DRC1: variants seen among roughly 807,000 people sequenced by gnomAD.
DRC1 encodes the protein dynein regulatory complex subunit 1.
In DRC1, 74 loss-of-function variants were observed where a neutral mutation model predicts 98.7. That is an observed-to-expected ratio of 0.75 (90% CI 0.62 to 0.91). The LOEUF (loss-of-function observed/expected upper bound fraction) is 0.91. DRC1 is among the 40% of genes least tolerant of loss of function. The pLI is 0.00. For synonymous variants in DRC1, 336 were observed against 334.1 expected, an observed-to-expected ratio of 1.01 and a Z score of -0.06; for missense variants, 875 against 886.0, an observed-to-expected ratio of 0.99 and a Z score of 0.16.
intron 1 of DRC1, among the ~76,000 whole-genome samples, chr2:26,403,319 G>A (rs973194693): frequency 2.0e-5 from 3 of 152,010 alleles, no homozygotes; most frequent in Non-Finnish European, 4.4e-5. Context: ...GTTTCTTTTT[G>A]GTGTTGTACA....
rs913197111 is a variant in DRC1, at chr2:26,414,390, G to A, written c.202G>A (p.Asp68Asn). ...AGATGGGAAGAAGGAGAGTGAGGAGGATCAAAGCAAGAGCTACAAACAGAA... is the reference window on the plus strand; with the variant it reads ...AGATGGGAAGAAGGAGAGTGAGGAGAATCAAAGCAAGAGCTACAAACAGAA... ...YLDGKKESEE[D>N]QSKSYKQKEE... Residue 68 changes from aspartate to asparagine, a missense_variant, in exon 2 of 17, where the codon GAT becomes AAT. Physicochemically the swap from Asp to Asn is conservative, Grantham distance 23. Transcript: ENST00000288710. The A allele has an allele frequency of 6.2e-7, 1 of 1,613,832 alleles. No individual in the cohort carries two copies. The highest frequency in any genetic ancestry group is 1.3e-5 in the African/African-American group (1 of 74,894).
chr2:26,455,309 A>T, intron 16 of DRC1, 76 bp downstream of exon 16: 1 of 1,377,640 alleles, frequency 7.3e-7, no homozygotes, highest in Non-Finnish European at 1.0e-6. Context: ...GGGATTAGGG[A>T]ACGAGGAGTC....
chr2:26,424,366 A>G lies in DRC1; in HGVS notation c.452A>G (p.Gln151Arg), dbSNP rs1159044068. Reference protein sequence around the residue: ...WEEGKQKRIPQELWEMLNTQQ... With the variant: ...WEEGKQKRIPRELWEMLNTQQ... ...GAGGGCAAGCAGAAGAGAATTCCCC[A>G]AGAGCTGTGGGAAATGCTCAATACC... Residue 151 changes from glutamine (Q) to arginine (R), a missense_variant, in exon 4 of 17, where the codon CAA (glutamine) becomes CGA (arginine). Gln to Arg is a conservative substitution (Grantham distance 43, BLOSUM62 1). Coordinates refer to ENST00000288710, the MANE Select transcript of DRC1 (RefSeq NM_145038.5). The G allele has an allele frequency of 3.1e-6, 5 of 1,613,834 alleles. No individual in the cohort carries two copies. In the South Asian group the frequency reaches 5.5e-5, roughly 18 times the overall value.
rs1553340620 is a variant in DRC1, at chr2:26,418,645, A to ATT, written c.244-2643_244-2642insTT. Among the ~76,000 whole-genome samples the ATT allele has an allele frequency of 3.4e-3, 307 of 90,848 alleles. 4 individuals carry two copies. Among genetic ancestry groups the ATT allele is most frequent in the African/African-American group, 0.013 (290 of 22,382 alleles). The allele number at this position is 90,848 out of a possible 152,430, so 59.6% of individuals were successfully genotyped here. A position where few individuals can be genotyped will look rare whatever the true frequency, so the allele number is the denominator to read the frequency against. ...AATATAAATTATATATAATTTATAT[A>ATT]ATATATAAATTATATATTATATAAA... On this transcript the variant is annotated intron_variant, in intron 2 of 16. Coordinates refer to ENST00000288710, the MANE Select transcript of DRC1 (RefSeq NM_145038.5).
chr2:26,424,717 C>T (rs767871674), intron 4 of DRC1, among the ~76,000 whole-genome samples: 9 of 152,064 alleles, frequency 5.9e-5, no homozygotes, highest in Non-Finnish European at 1.2e-4. Context: ...TCTGGGAGGC[C>T]GAGGCAGGCG....
At chr2:26,427,885 C>T (rs779406472) in intron 4 of DRC1, among the ~76,000 whole-genome samples, 17 of 152,092 alleles carry the variant, frequency 1.1e-4, no homozygotes, top group Admixed American at 3.3e-4. Flanking sequence ...ATTCCATCCA[C>T]GTCGTTGCAA....
Position 26,444,375 on chromosome 2 carries a change from C to G in DRC1, c.1163+19C>G, listed in dbSNP as rs1663796936. The G allele has an allele frequency of 4.3e-6, 7 of 1,610,840 alleles. No individual in the cohort carries two copies. In the South Asian group the frequency reaches 7.7e-5, roughly 18 times the overall value. ...CCATGAGGTATCTTAAGGACTTGGT[C>G]CTAAGGCACTTGTCCTAGCATAGAG... On this transcript the variant is annotated intron_variant, in intron 9 of 16. Coordinates refer to ENST00000288710, the MANE Select transcript of DRC1 (RefSeq NM_145038.5).
At chr2:26,402,270 C>T (rs558776440) in intron 1 of DRC1, 126 bp downstream of exon 1, 50 of 1,386,468 alleles carry the variant, frequency 3.6e-5, no homozygotes, top group Admixed American at 1.7e-4. Context: ...AAACGCTGGG[C>T]CGGTGCCGTG....
In DRC1 at chr2:26,431,899, A is replaced by C. The variant is rs1663445786; in HGVS notation, c.781A>C (p.Asn261His). 5 of 1,614,002 alleles carry C rather than the reference A, an allele frequency of 3.1e-6. No homozygotes were observed. The highest frequency in any genetic ancestry group is 3.4e-6 in the Non-Finnish European group (4 of 1,179,886). Residue 261 changes from asparagine to histidine, a missense_variant, in exon 7 of 17, where the codon AAC becomes CAC. Coordinates refer to ENST00000288710, the MANE Select transcript of DRC1 (RefSeq NM_145038.5). ...GTGCCTTTAGCTGGAGTATCTTAAC[A>C]ACCGCATGAAGAAAGTAGAGGACTA... ...HNAKELEYLN[N>H]RMKKVEDYEK...
chr2:26,421,539 C>G, intron 3 of DRC1, 139 bp downstream of exon 3: 1 of 483,982 alleles, frequency 2.1e-6, no homozygotes. Flanking sequence ...CCCTCCCTCC[C>G]TCCTCTTCTT....
intron 1 of DRC1, among the ~76,000 whole-genome samples, chr2:26,413,111 A>G (rs1248561890): frequency 6.6e-6 from 1 of 152,226 alleles, no homozygotes; most frequent in African/African-American, 2.4e-5. Flanking sequence ...AATGTGTATT[A>G]TAGTCTACAT....
chr2:26,448,593 T>C, intron 10 of DRC1, 98 bp from the exon 11 acceptor site: 1 of 1,255,958 alleles, frequency 8.0e-7, no homozygotes, highest in Admixed American at 1.9e-5. Context: ...AAGAGGTACA[T>C]TTTCTCAAGG....
intron 2 of DRC1, among the ~76,000 whole-genome samples, chr2:26,418,272 C>A (rs1366087624): frequency 6.6e-6 from 1 of 151,604 alleles, no homozygotes; most frequent in Non-Finnish European, 1.5e-5. Flanking sequence ...TGTTATGCAA[C>A]CCCTGGGGCT....
intron 13 of DRC1, among the ~76,000 whole-genome samples, chr2:26,451,557 G>C (rs1397646110): frequency 2.0e-5 from 3 of 152,148 alleles, no homozygotes; most frequent in Non-Finnish European, 4.4e-5. Flanking sequence ...CATGCCTATA[G>C]TTCCAGCTAC....
intron 7 of DRC1, among the ~76,000 whole-genome samples, chr2:26,439,253 G>A (rs906732667): frequency 1.3e-5 from 2 of 151,968 alleles, no homozygotes; most frequent in Non-Finnish European, 2.9e-5. Flanking sequence ...CATTCTCTAG[G>A]TCTCAGCTAG....
At chr2:26,425,697 T>C (rs1663265924) in intron 4 of DRC1, among the ~76,000 whole-genome samples, 1 of 152,240 alleles carries the variant, frequency 6.6e-6, no homozygotes, top group Non-Finnish European at 1.5e-5. Flanking sequence ...TTTCATGTGT[T>C]TATTGGTCAC....
Position 26,418,688 on chromosome 2 carries a change from TATATATAAATTATATTTAATTTATATA to T in DRC1, c.244-2572_244-2546del, listed in dbSNP as rs1485057847. On this transcript the variant is annotated intron_variant, in intron 2 of 16. Transcript: ENST00000288710. ...TATATAAATTAAATATAATTTATAT[TATATATAAATTATATTTAATTTATATA>T]ATATATAAATTATATTTAATTTATA... is the stretch of plus-strand genomic sequence containing the variant. 4.1e-3 allele frequency among the ~76,000 whole-genome samples: 350 copies of T among 84,866 alleles called. 3 individuals carry two copies. Among genetic ancestry groups the T allele is most frequent in the African/African-American group, 0.014 (288 of 20,228 alleles). 55.7% of individuals were successfully genotyped at this position (84,866 alleles called of 152,430 possible).
At position 26,440,389 on chromosome 2, in the gene DRC1, G is replaced by A; in HGVS notation, c.900G>A (p.Gln300=). 1 of 1,608,908 alleles carries A rather than the reference G, an allele frequency of 6.2e-7. No homozygotes were observed. Among genetic ancestry groups the A allele is most frequent in the Admixed American group, 1.7e-5 (1 of 59,304 alleles). ...KLEQDVQILE[Q]QLQQRKAIYQ... is the part of the protein sequence containing the mutation. ...TTTTTTAACTTTAGATTCTTGAGCA[G>A]CAGCTTCAGCAGAGGAAAGCAATTT... is the stretch of plus-strand genomic sequence containing the variant. The change falls in exon 8 of 17, where the codon CAG becomes CAA. Residue 300 remains glutamine (Q), a synonymous_variant. Coordinates refer to ENST00000288710, the MANE Select transcript of DRC1 (RefSeq NM_145038.5).
At position 26,454,586 on chromosome 2, in the gene DRC1, C is replaced by T. The variant is rs934138779; in HGVS notation, c.1920-61C>T. The T allele has an allele frequency of 4.4e-6, 7 of 1,593,656 alleles. No individual in the cohort carries two copies. In the Admixed American group the frequency reaches 8.5e-5, roughly 19 times the overall value. ...GAAAGCAGTAGGCCTGTGACTGGCA[C>T]TGCCTGGGGGCCTGGGTAGTACCCA... is the stretch of plus-strand genomic sequence containing the variant. On this transcript the variant is annotated intron_variant, in intron 14 of 16. Transcript: ENST00000288710. This position sits in a 1 kb window ranked among gnomAD's most constrained non-coding sequence, Gnocchi z 5.2.
Sources: allele counts gnomAD v4.1 joint callset (sites outside exome capture counted in the v4.1 genomes callset), GRCh38; gene constraint gnomAD v4.1.1; non-coding constraint Gnocchi (gnomAD v3.1); transcripts MANE v1.5; gene names NCBI Gene and HGNC (gene_info 2026-07-23, HGNC 2026-07-21).